Variants in PRCP observed in about 807,000 individuals in gnomAD.
PRCP encodes lysosomal Pro-X carboxypeptidase.
A neutral mutation model predicts 54.2 loss-of-function variants in PRCP; 46 were observed. The ratio of observed to expected loss-of-function variants is 0.85; its 90% CI spans 0.67 to 1.09. The LOEUF (loss-of-function observed/expected upper bound fraction) is 1.09. PRCP is among the 50% of genes least tolerant of loss of function. The pLI is 0.00. For missense variants in PRCP, 613 were observed against 596.8 expected, an observed-to-expected ratio of 1.03 and a Z score of -0.28; for synonymous variants, 240 against 212.2, an observed-to-expected ratio of 1.13 and a Z score of -1.14.
At chr11:82,875,253 A>G (rs970071993) in intron 1 of PRCP, among the ~76,000 whole-genome samples, 1 of 152,196 alleles carries the variant, frequency 6.6e-6, no homozygotes, top group Non-Finnish European at 1.5e-5. Context: ...GCAAAACACA[A>G]TGTGCACAGG....
chr11:82,851,131 G>A (rs959984028), intron 3 of PRCP, among the ~76,000 whole-genome samples: 1 of 152,162 alleles, frequency 6.6e-6, no homozygotes, highest in African/African-American at 2.4e-5. Flanking sequence ...TCTACATGAA[G>A]ACAATTTCCC....
chr11:82,839,015 T>C (rs11233337), intron 7 of PRCP, among the ~76,000 whole-genome samples: 1,817 of 152,324 alleles, frequency 0.012, 38 homozygotes, highest in African/African-American at 0.039. Flanking sequence ...ATGTACCATT[T>C]ATCTTTGTAT....
At chr11:82,879,892 T>C (rs537216575) in intron 1 of PRCP, among the ~76,000 whole-genome samples, 2 of 152,348 alleles carry the variant, frequency 1.3e-5, no homozygotes. Context: ...ATCCTTCCTC[T>C]GGAAGCTTTG....
chr11:82,884,901 G>T (rs754673276), intron 1 of PRCP: 4 of 1,611,832 alleles, frequency 2.5e-6, no homozygotes, highest in African/African-American at 1.3e-5. Context: ...GGAAGTAAAG[G>T]CTTGATTTAT....
At chr11:82,844,367 G>A (rs543912745) in intron 6 of PRCP, among the ~76,000 whole-genome samples, 2 of 152,214 alleles carry the variant, frequency 1.3e-5, no homozygotes, top group South Asian at 4.1e-4. Context: ...AGGCTGCAGT[G>A]AGCTAAAATC....
chr11:82,871,592 C>A (rs1449382265), intron 1 of PRCP, among the ~76,000 whole-genome samples: 1 of 152,138 alleles, frequency 6.6e-6, no homozygotes, highest in Non-Finnish European at 1.5e-5. Context: ...TGTAAAAGGA[C>A]AAAGACCCCT....
At chr11:82,896,628 G>A (rs1018679812) in intron 1 of PRCP, among the ~76,000 whole-genome samples, 98 of 132,854 alleles carry the variant, frequency 7.4e-4, no homozygotes, top group African/African-American at 1.8e-3. Flanking sequence ...GCAGTGAGCC[G>A]AGATCTCACC....
At chr11:82,863,896 C>T (rs1035359329) in intron 1 of PRCP, among the ~76,000 whole-genome samples, 6 of 152,120 alleles carry the variant, frequency 3.9e-5, no homozygotes, top group Non-Finnish European at 8.8e-5. Context: ...AAGCAGACTT[C>T]GGAGTTAAAA....
chr11:82,852,660 G>A (rs77753583), intron 3 of PRCP, among the ~76,000 whole-genome samples: 2,678 of 152,322 alleles, frequency 0.018, 69 homozygotes, highest in African/African-American at 0.062. Flanking sequence ...ATTAGGTAGA[G>A]TCTGTGACAA....
At chr11:82,899,319 A>G (rs1860197447) in intron 1 of PRCP, among the ~76,000 whole-genome samples, 1 of 152,204 alleles carries the variant, frequency 6.6e-6, no homozygotes. Flanking sequence ...ACAAACCCCA[A>G]GAGATCAAGG....
chr11:82,887,205 C>T (rs1395624259), intron 1 of PRCP, among the ~76,000 whole-genome samples: 1 of 152,218 alleles, frequency 6.6e-6, no homozygotes, highest in Non-Finnish European at 1.5e-5. Flanking sequence ...ATAGGATTCC[C>T]TAATACTCCA....
chr11:82,865,713 T>C (rs148478945), intron 1 of PRCP, among the ~76,000 whole-genome samples: 321 of 152,320 alleles, frequency 2.1e-3, no homozygotes, highest in African/African-American at 7.4e-3. Flanking sequence ...AATGCAGAGA[T>C]CTAAAATAAA....
At chr11:82,849,857 T>C in intron 5 of PRCP, 57 bp downstream of exon 5, 1 of 1,307,324 alleles carries the variant, frequency 7.6e-7, no homozygotes, top group Non-Finnish European at 9.9e-7. Context: ...AACTACTGAA[T>C]TTAACAAATG....
At chr11:82,899,122 G>T (rs1252783851) in intron 1 of PRCP, among the ~76,000 whole-genome samples, 2 of 152,208 alleles carry the variant, frequency 1.3e-5, no homozygotes, top group Non-Finnish European at 2.9e-5. Context: ...ACTTTGGGAG[G>T]CTGATGCAGA....
chr11:82,864,609 A>C (rs1859288151), intron 1 of PRCP, among the ~76,000 whole-genome samples: 1 of 152,262 alleles, frequency 6.6e-6, no homozygotes, highest in Non-Finnish European at 1.5e-5. Flanking sequence ...TATTGAACCA[A>C]TTAAAATAAA....
At chr11:82,875,805 C>A (rs148026929) in intron 1 of PRCP, among the ~76,000 whole-genome samples, 11 of 152,234 alleles carry the variant, frequency 7.2e-5, no homozygotes, top group African/African-American at 2.6e-4. Flanking sequence ...GTAGCGAAGG[C>A]AAACTCAAGA....
chr11:82,885,045 T>G (rs1002718453), intron 1 of PRCP, among the ~76,000 whole-genome samples: 4 of 152,224 alleles, frequency 2.6e-5, no homozygotes, highest in Non-Finnish European at 5.9e-5. Context: ...GAGTGGTCAC[T>G]TAAGAAACCA....
rs761738097 is a variant in PRCP, at chr11:82,860,131, A to T, written c.169-14T>A. 1.4e-6 allele frequency: 2 copies of T among 1,449,848 alleles called. No individual in the cohort carries two copies. The highest frequency in any genetic ancestry group is 9.2e-7 in the Non-Finnish European group (1 of 1,084,788). 89.8% of individuals were successfully genotyped at this position (1,449,848 alleles called of 1,614,324 possible). Reference sequence around the variant, plus strand: ...AAAATGATCAACCTGTGATAAAAACAAAACAAAACATATTTCAAAGGAAAG... The same window carrying T: ...AAAATGATCAACCTGTGATAAAAACTAAACAAAACATATTTCAAAGGAAAG... On this transcript the variant is annotated splice_polypyrimidine_tract_variant and intron_variant, in intron 1 of 8. Coordinates refer to ENST00000313010, the MANE Select transcript of PRCP (RefSeq NM_005040.4).
chr11:82,856,669 C>T (rs1859088773), intron 2 of PRCP, among the ~76,000 whole-genome samples: 1 of 146,126 alleles, frequency 6.8e-6, no homozygotes, highest in Non-Finnish European at 1.5e-5. Context: ...TGCACATGTA[C>T]CCCCTGAACC....
Sources: gnomAD v4.1 joint callset for allele counts (sites outside exome capture counted in the v4.1 genomes callset) on GRCh38, gnomAD v4.1.1 for gene constraint, MANE v1.5 for transcripts, NCBI Gene and HGNC (gene_info 2026-07-23, HGNC 2026-07-21) for gene names.